The following DACH2 variants were observed in gnomAD, a reference collection of about 807,000 sequenced individuals.
DACH2 encodes dachshund homolog 2.
In DACH2, 17 loss-of-function variants were observed where a neutral mutation model predicts 35.8. The ratio of observed to expected loss-of-function variants is 0.48; its 90% CI spans 0.33 to 0.71. The LOEUF (loss-of-function observed/expected upper bound fraction) is 0.71. Among genes scored for constraint, DACH2 ranks in the 30% least tolerant of loss-of-function variants. DACH2 has a pLI of 0.02. For synonymous variants in DACH2, 195 were observed against 177.3 expected (o/e 1.10, Z -0.79); for missense variants, 469 against 472.7 (o/e 0.99, Z 0.07).
chrX:86,630,440 G>A (rs1374072553), intron 3 of DACH2, among the ~76,000 whole-genome samples: 1 of 108,948 alleles, frequency 9.2e-6, no homozygotes, highest in Non-Finnish European at 1.9e-5. Flanking sequence ...ATATATGAAC[G>A]AGAGAGAGCT....
At position 86,184,408 on chromosome X, in the gene DACH2, C is replaced by T. The variant is rs148678407; in HGVS notation, c.488+35300C>T. 3.2e-5 allele frequency: 4 copies of T among 124,744 alleles called. No individual in the cohort carries two copies. In the East Asian group the frequency reaches 1.1e-3, roughly 35 times the overall value. 10.3% of individuals were successfully genotyped at this position (124,744 alleles called of 1,213,427 possible). On this transcript the variant is annotated intron_variant, in intron 1 of 11. Coordinates refer to ENST00000373125, the MANE Select transcript of DACH2 (RefSeq NM_053281.3). Reference sequence around the variant, plus strand: ...TTTTTTGGTAGAGACAGGGTTTCACCGTGTTGGCCGGGCTGGTCTTGAACT... The same window carrying T: ...TTTTTTGGTAGAGACAGGGTTTCACTGTGTTGGCCGGGCTGGTCTTGAACT...
intron 1 of DACH2, among the ~76,000 whole-genome samples, chrX:86,295,753 C>A (rs746174971): frequency 9.0e-6 from 1 of 111,109 alleles, no homozygotes; most frequent in Non-Finnish European, 1.9e-5. Context: ...TCCTCAGACA[C>A]AGAAATGGTC....
intron 11 of DACH2, among the ~76,000 whole-genome samples, chrX:86,820,650 T>C (rs1440710275): frequency 1.8e-5 from 2 of 111,208 alleles, no homozygotes; most frequent in Non-Finnish European, 3.8e-5. Context: ...TTAACATCTA[T>C]TATAATATAT....
chrX:86,392,849 C>T (rs185504440), intron 2 of DACH2, among the ~76,000 whole-genome samples: 1 of 111,425 alleles, frequency 9.0e-6, no homozygotes, highest in East Asian at 2.9e-4. Flanking sequence ...CTTAACATAG[C>T]TTACAAGGTC....
At chrX:86,421,571 G>T (rs888101519) in intron 2 of DACH2, among the ~76,000 whole-genome samples, 1 of 111,520 alleles carries the variant, frequency 9.0e-6, no homozygotes, top group African/African-American at 3.3e-5. Flanking sequence ...TCTCCTTAAA[G>T]ATAAATCCAA....
chrX:86,562,173 G>A (rs945025388), intron 3 of DACH2, among the ~76,000 whole-genome samples: 4 of 110,620 alleles, frequency 3.6e-5, no homozygotes, highest in African/African-American at 1.3e-4. Flanking sequence ...GGTATTAATA[G>A]TAACTATTGT....
chrX:86,761,076 G>A (rs944637622), intron 7 of DACH2, among the ~76,000 whole-genome samples: 10 of 110,825 alleles, frequency 9.0e-5, no homozygotes, highest in Non-Finnish European at 1.3e-4. Context: ...TGTGCTGAAC[G>A]TGCAGGTTTG....
chrX:86,426,094 C>T (rs1185099660), intron 2 of DACH2, among the ~76,000 whole-genome samples: 3 of 111,403 alleles, frequency 2.7e-5, no homozygotes, highest in Non-Finnish European at 5.7e-5. Context: ...AATATTGTAG[C>T]CACAAAATTG....
At chrX:86,313,979 T>G (rs2034849201) in intron 1 of DACH2, among the ~76,000 whole-genome samples, 1 of 111,734 alleles carries the variant, frequency 8.9e-6, no homozygotes, top group Non-Finnish European at 1.9e-5. Flanking sequence ...ATCAGTGATC[T>G]TTGATGTCCT....
At chrX:86,714,406 G>A (rs367753756) in intron 5 of DACH2, 142 bp from the exon 6 acceptor site, 2 of 361,876 alleles carry the variant, frequency 5.5e-6, no homozygotes, top group African/African-American at 5.2e-5. Context: ...AATAACACAG[G>A]TACTATTAAT....
At chrX:86,702,507 A>G (rs1157861627) in intron 5 of DACH2, among the ~76,000 whole-genome samples, 4 of 111,813 alleles carry the variant, frequency 3.6e-5, no homozygotes, top group African/African-American at 1.3e-4. Context: ...GAAAAGATAA[A>G]CAAAATCTAT....
intron 1 of DACH2, among the ~76,000 whole-genome samples, chrX:86,258,734 T>G (rs1423502879): frequency 4.5e-5 from 5 of 111,934 alleles, no homozygotes; most frequent in Non-Finnish European, 7.5e-5. Flanking sequence ...CATCTTTAAC[T>G]TCAAAGTTGT....
rs1197684544 is a variant in DACH2 at position 86,726,023 on chromosome X, A to G, written c.1104+11303A>G. ...AGCAGACTTTTCCTTGAAGGTAATGACTTCAGGTGCTGGCTGTGATAAGCA... is the reference window on the plus strand; with the variant it reads ...AGCAGACTTTTCCTTGAAGGTAATGGCTTCAGGTGCTGGCTGTGATAAGCA... On this transcript the variant is annotated intron_variant, in intron 6 of 11. Transcript: ENST00000373125. Among the ~76,000 whole-genome samples the G allele has an allele frequency of 1.1e-4, 12 of 110,912 alleles. No individual in the cohort carries two copies. The Admixed American group carries it at 1.1e-3, about 11-fold the overall frequency.
chrX:86,453,114 T>C (rs6623678), intron 2 of DACH2, among the ~76,000 whole-genome samples: 20,554 of 111,016 alleles, frequency 0.19, 1,562 homozygotes, highest in South Asian at 0.27. Context: ...AATTTCCATG[T>C]ATTTGTGTGG....
chrX:86,305,520 C>A (rs1167595920), intron 1 of DACH2, among the ~76,000 whole-genome samples: 1 of 110,961 alleles, frequency 9.0e-6, no homozygotes, highest in Non-Finnish European at 1.9e-5. Context: ...TTGTTCAGGG[C>A]AAGGATTTTT....
chrX:86,259,751 A>T (rs1167261463), intron 1 of DACH2, among the ~76,000 whole-genome samples: 1 of 112,017 alleles, frequency 8.9e-6, no homozygotes, highest in African/African-American at 3.2e-5. Context: ...TTAAGACTGG[A>T]TAAAACTTAA....
chrX:86,401,456 G>A lies in DACH2; in HGVS notation c.527+24594G>A, dbSNP rs184957466. On this transcript the variant is annotated intron_variant, in intron 2 of 11. Transcript: ENST00000373125. ...TCAGTTGGAAATGCAGAAATCACCC[G>A]TCTTCTGTGTCGCTCACGCTGGGAG... is the stretch of plus-strand genomic sequence containing the variant. Among the ~76,000 whole-genome samples, 1,063 of 111,859 alleles carry A rather than the reference G, an allele frequency of 9.5e-3. 14 individuals carry two copies. Among genetic ancestry groups the A allele is most frequent in the African/African-American group, 0.033 (1,003 of 30,836 alleles).
chrX:86,730,327 C>A (rs975479196), intron 6 of DACH2, among the ~76,000 whole-genome samples: 1 of 112,172 alleles, frequency 8.9e-6, no homozygotes, highest in Admixed American at 9.5e-5. Flanking sequence ...AATATTTCTG[C>A]ACTTCAGTTT....
chrX:86,754,125 A>G (rs959878815), intron 7 of DACH2, among the ~76,000 whole-genome samples: 1 of 111,720 alleles, frequency 9.0e-6, no homozygotes, highest in African/African-American at 3.2e-5. Context: ...GAGATTACTA[A>G]CATTTCCAAA....
Sources: gnomAD v4.1 joint callset for allele counts (sites outside exome capture counted in the v4.1 genomes callset) on GRCh38, gnomAD v4.1.1 for gene constraint, MANE v1.5 for transcripts, NCBI Gene and HGNC (gene_info 2026-07-23, HGNC 2026-07-21) for gene names.